POU6F2: variants seen among roughly 807,000 people sequenced by gnomAD.
POU6F2 encodes the protein POU class 6 homeobox 2, also known as POU domain, class 6, transcription factor 2.
A neutral mutation model predicts 71.3 loss-of-function variants in POU6F2; 31 were observed. That is an observed-to-expected ratio of 0.43 (90% CI 0.33 to 0.59). POU6F2 has a LOEUF of 0.59. POU6F2 is among the 20% of genes least tolerant of loss of function. POU6F2 has a pLI of 0.04. For synonymous variants in POU6F2, 347 were observed against 355.7 expected (o/e 0.98, Z 0.27); for missense variants, 783 against 856.8 (o/e 0.91, Z 1.07).
chr7:39,072,333 A>G (rs1584528247), intron 1 of POU6F2, among the ~76,000 whole-genome samples: 1 of 152,152 alleles, frequency 6.6e-6, no homozygotes, highest in African/African-American at 2.4e-5. Context: ...TACATATTAA[A>G]ATTTGGGTAA....
At chr7:38,996,564 C>A (rs749596855) in intron 1 of POU6F2, among the ~76,000 whole-genome samples, 2 of 152,148 alleles carry the variant, frequency 1.3e-5, no homozygotes, top group Non-Finnish European at 2.9e-5. Flanking sequence ...TTTTTTAGAG[C>A]ATTATCTACC....
At chr7:39,115,410 G>C (rs1168428495) in intron 2 of POU6F2, among the ~76,000 whole-genome samples, 3 of 150,860 alleles carry the variant, frequency 2.0e-5, no homozygotes, top group Non-Finnish European at 4.4e-5. Context: ...TTCTTTTCTG[G>C]TACTTTGGGC....
At chr7:39,183,902 T>C (rs1793483847) in intron 2 of POU6F2, among the ~76,000 whole-genome samples, 1 of 152,200 alleles carries the variant, frequency 6.6e-6, no homozygotes, top group South Asian at 2.1e-4. Context: ...TCTAGATTAT[T>C]ATATCATGCT....
At chr7:39,432,472 G>GGCACAGC (rs1788125962) in intron 6 of POU6F2, among the ~76,000 whole-genome samples, 1 of 152,160 alleles carries the variant, frequency 6.6e-6, no homozygotes, top group Admixed American at 6.5e-5. Flanking sequence ...GTCAGTAAGT[G>GGCACAGC]GCACAGCTGG....
intron 8 of POU6F2, among the ~76,000 whole-genome samples, chr7:39,459,853 G>A (rs1236439764): frequency 2.0e-5 from 3 of 152,096 alleles, no homozygotes; most frequent in East Asian, 1.9e-4. Context: ...TAAATTGACC[G>A]CGTTATCAGG....
At chr7:39,307,272 C>A (rs1398115592) in intron 4 of POU6F2, among the ~76,000 whole-genome samples, 1 of 151,928 alleles carries the variant, frequency 6.6e-6, no homozygotes, top group South Asian at 2.1e-4. Context: ...GTATAATTTT[C>A]GGAACTCTCT....
intron 1 of POU6F2, among the ~76,000 whole-genome samples, chr7:39,016,080 TTA>T (rs1251913469): frequency 1.8e-4 from 18 of 101,588 alleles, no homozygotes; most frequent in Non-Finnish European, 2.8e-4. Context: ...TAGATATATA[TTA>T]TATCTATATT....
At chr7:39,074,627 T>A (rs1281591995) in intron 1 of POU6F2, among the ~76,000 whole-genome samples, 1 of 152,200 alleles carries the variant, frequency 6.6e-6, no homozygotes, top group African/African-American at 2.4e-5. Context: ...ATATTTGAAG[T>A]GTGTGGATAT....
chr7:39,424,212 C>T (rs561259002), intron 6 of POU6F2, among the ~76,000 whole-genome samples: 2 of 152,146 alleles, frequency 1.3e-5, no homozygotes. Context: ...TTATATTGGA[C>T]TTGAGGTTTC....
At chr7:39,297,196 T>TACACAC (rs61192418) in intron 4 of POU6F2, among the ~76,000 whole-genome samples, 9,672 of 138,906 alleles carry the variant, frequency 0.07, 447 homozygotes, top group African/African-American at 0.13. Context: ...CACATACACA[T>TACACAC]ACACACACAC....
rs1270323092 is a variant in POU6F2 at position 39,418,937 on chromosome 7, GTGTATATA to G, written c.1113+12215_1113+12222del. ...TATATATATGTATATATGTATATAT[GTGTATATA>G]TGTATATATGTATATATATGTGTAT... On this transcript the variant is annotated intron_variant, in intron 6 of 9. Transcript: ENST00000518318. Among the ~76,000 whole-genome samples the G allele has an allele frequency of 6.0e-4, 78 of 129,906 alleles. No individual in the cohort carries two copies. In the South Asian group the frequency reaches 0.011, roughly 18 times the overall value. The allele number at this position is 129,906 out of a possible 152,430, so 85.2% of individuals were successfully genotyped here.
chr7:39,397,052 A>C (rs992999268), intron 5 of POU6F2, among the ~76,000 whole-genome samples: 3 of 152,062 alleles, frequency 2.0e-5, no homozygotes, highest in Non-Finnish European at 4.4e-5. Flanking sequence ...TTGGTCCAAA[A>C]TGTCCAGAGA....
chr7:39,068,042 A>G (rs1790796734), intron 1 of POU6F2, among the ~76,000 whole-genome samples: 2 of 152,308 alleles, frequency 1.3e-5, no homozygotes, highest in East Asian at 3.9e-4. Flanking sequence ...TAAAACTGTC[A>G]AAATTTTATT....
chr7:39,275,121 G>A (rs1185773167), intron 4 of POU6F2, among the ~76,000 whole-genome samples: 1 of 152,090 alleles, frequency 6.6e-6, no homozygotes, highest in Non-Finnish European at 1.5e-5. Context: ...GTCCCTGTTT[G>A]CAGATGACAT....
At chr7:39,295,104 C>T (rs1184537687) in intron 4 of POU6F2, among the ~76,000 whole-genome samples, 2 of 150,802 alleles carry the variant, frequency 1.3e-5, no homozygotes, top group Non-Finnish European at 2.9e-5. Context: ...TCTTAGTTTG[C>T]ATTCTGGTAG....
intron 6 of POU6F2, among the ~76,000 whole-genome samples, chr7:39,419,156 T>C (rs1052100886): frequency 6.9e-6 from 1 of 144,518 alleles, no homozygotes; most frequent in Non-Finnish European, 1.5e-5. Context: ...TATATATGTG[T>C]ATATATACAC....
intron 4 of POU6F2, among the ~76,000 whole-genome samples, chr7:39,263,249 AT>A (rs1784172495): frequency 6.6e-6 from 1 of 152,256 alleles, no homozygotes; most frequent in African/African-American, 2.4e-5. Context: ...AAAATAAAAT[AT>A]GTGTTTTGAA....
At chr7:39,339,123 T>C (rs1785853639) in intron 4 of POU6F2, among the ~76,000 whole-genome samples, 1 of 151,688 alleles carries the variant, frequency 6.6e-6, no homozygotes, top group Admixed American at 6.6e-5. Context: ...CACTAAGACA[T>C]CTAAGCAACT....
In POU6F2 at chr7:39,460,775, C is replaced by T. The variant is rs767801542; in HGVS notation, c.1658+60C>T. The T allele has an allele frequency of 8.9e-6, 13 of 1,454,236 alleles. No homozygotes were observed. In the Admixed American group the frequency reaches 1.1e-4, roughly 12 times the overall value. 90.1% of individuals were successfully genotyped at this position (1,454,236 alleles called of 1,614,324 possible). A position where few individuals can be genotyped will look rare whatever the true frequency, so the allele number is the denominator to read the frequency against. On this transcript the variant is annotated intron_variant, in intron 9 of 9. Transcript: ENST00000518318. This position sits in a 1 kb window ranked among gnomAD's most constrained non-coding sequence, Gnocchi z 4.4. ...CCGCCCTGGGCCTCATTTGTCCTCGCGGTTCAGCTTTTCTTCGTCGGGTGG... is the reference window on the plus strand; with the variant it reads ...CCGCCCTGGGCCTCATTTGTCCTCGTGGTTCAGCTTTTCTTCGTCGGGTGG...
Sources: allele counts gnomAD v4.1 joint callset (sites outside exome capture counted in the v4.1 genomes callset), GRCh38; gene constraint gnomAD v4.1.1; non-coding constraint Gnocchi (gnomAD v3.1); transcripts MANE v1.5; gene names NCBI Gene and HGNC (gene_info 2026-07-23, HGNC 2026-07-21).